Variants in TLK2 observed in about 807,000 individuals in gnomAD.
The protein encoded by TLK2 is serine/threonine-protein kinase tousled-like 2.
Under a neutral mutation model 117.3 loss-of-function variants are expected in TLK2, and 6 were observed. The observed-to-expected ratio is 0.05, with a 90% CI of 0.03 to 0.10. The LOEUF is 0.10. TLK2 is among the 10% of genes least tolerant of loss of function. TLK2 has a pLI of 1.00. For missense variants in TLK2, 299 were observed against 901.2 expected, an observed-to-expected ratio of 0.33 and a Z score of 8.56; for synonymous variants, 257 against 316.7, an observed-to-expected ratio of 0.81 and a Z score of 2.00.
chr17:62,496,311 G>A (rs1056242699), intron 2 of TLK2, among the ~76,000 whole-genome samples: 1 of 151,918 alleles, frequency 6.6e-6, no homozygotes, highest in Non-Finnish European at 1.5e-5. Context: ...ACCGTTTCCT[G>A]TTGATGGACA....
At chr17:62,587,125 T>C (rs564034755) in intron 16 of TLK2, among the ~76,000 whole-genome samples, 2 of 152,270 alleles carry the variant, frequency 1.3e-5, no homozygotes, top group South Asian at 4.1e-4. Flanking sequence ...GGGGGGCTTC[T>C]TTAAAATGAA....
At chr17:62,508,837 G>A (rs1364528835) in intron 2 of TLK2, among the ~76,000 whole-genome samples, 1 of 152,116 alleles carries the variant, frequency 6.6e-6, no homozygotes, top group African/African-American at 2.4e-5. Context: ...GCGTGGTGGT[G>A]TGCGCTTGTA....
intron 2 of TLK2, among the ~76,000 whole-genome samples, chr17:62,520,365 A>C (rs1387404135): frequency 2.0e-5 from 3 of 152,158 alleles, no homozygotes; most frequent in Non-Finnish European, 2.9e-5. Flanking sequence ...CTGAAGTCGC[A>C]TTCTTCCCAG....
intron 14 of TLK2, among the ~76,000 whole-genome samples, chr17:62,578,856 A>G (rs2081007624): frequency 6.6e-6 from 1 of 152,208 alleles, no homozygotes; most frequent in Non-Finnish European, 1.5e-5. Flanking sequence ...TTGTAATTGT[A>G]AATGGTTGAG....
At chr17:62,488,743 C>A (rs2072757832) in intron 2 of TLK2, among the ~76,000 whole-genome samples, 1 of 151,134 alleles carries the variant, frequency 6.6e-6, no homozygotes, top group East Asian at 1.9e-4. Context: ...ACAGAAATTA[C>A]AACAGATATT....
intron 9 of TLK2, among the ~76,000 whole-genome samples, chr17:62,559,781 A>T (rs778824996): frequency 6.6e-6 from 1 of 152,342 alleles, no homozygotes; most frequent in East Asian, 1.9e-4. Context: ...CAGTAGAAAA[A>T]CATGCCCAAA....
In TLK2 at chr17:62,492,428, T is replaced by G. The variant is rs191134855; in HGVS notation, c.81+11222T>G. ...TGTCTGTTTTCTAGTCCTAACTAGA[T>G]GAGGGAGATAGAGATTTGTTATTAA... is the stretch of plus-strand genomic sequence containing the variant. On this transcript the variant is annotated intron_variant, in intron 2 of 21. Coordinates refer to ENST00000346027, the MANE Select transcript of TLK2 (RefSeq NM_006852.6). Among the ~76,000 whole-genome samples, 50 of 152,098 alleles carry G rather than the reference T, an allele frequency of 3.3e-4. 2 individuals are homozygous for G. The East Asian group carries it at 9.1e-3, about 28-fold the overall frequency.
intron 12 of TLK2, 136 bp from the exon 13 acceptor site, chr17:62,576,573 C>G (rs919193348): frequency 3.0e-6 from 2 of 677,622 alleles, no homozygotes; most frequent in Admixed American, 5.6e-5. Context: ...CAGAGGACTA[C>G]AAGATAACCC....
At chr17:62,603,309 C>T (rs2083013389) in intron 19 of TLK2, among the ~76,000 whole-genome samples, 1 of 152,092 alleles carries the variant, frequency 6.6e-6, no homozygotes, top group Non-Finnish European at 1.5e-5. Flanking sequence ...GGAAATGGTA[C>T]CTGTTGTAAA....
rs2083990180 is a variant in TLK2, at chr17:62,614,385, AT to A, written c.*1823del. 1 of 152,214 alleles carries A rather than the reference AT, an allele frequency of 6.6e-6. No individual in the cohort carries two copies. Among genetic ancestry groups the A allele is most frequent in the Admixed American group, 6.5e-5 (1 of 15,284 alleles). The allele number at this position is 152,214 out of a possible 1,614,324, so 9.4% of individuals were successfully genotyped here. ...ATGTGGCGAGGGCTTAGCCAGAAATATTTAAAGATGTAGTATTCCGGCCTGT... is the reference window on the plus strand; with the variant it reads ...ATGTGGCGAGGGCTTAGCCAGAAATATTAAAGATGTAGTATTCCGGCCTGT... On this transcript the variant is annotated 3_prime_UTR_variant, in exon 22 of 22. Coordinates refer to ENST00000346027, the MANE Select transcript of TLK2 (RefSeq NM_006852.6).
At chr17:62,588,670 T>C (rs1285525537) in intron 16 of TLK2, among the ~76,000 whole-genome samples, 1 of 152,122 alleles carries the variant, frequency 6.6e-6, no homozygotes, top group Non-Finnish European at 1.5e-5. Context: ...TGTTTTGTTT[T>C]GTTTTCCAAT....
chr17:62,537,759 T>A (rs1010330111), intron 7 of TLK2, among the ~76,000 whole-genome samples: 2 of 152,216 alleles, frequency 1.3e-5, no homozygotes, highest in Non-Finnish European at 2.9e-5. Context: ...CAGTGTTTAA[T>A]GTTAGAAGTG....
chr17:62,485,900 A>G (rs903001267), intron 2 of TLK2, among the ~76,000 whole-genome samples: 3 of 147,022 alleles, frequency 2.0e-5, no homozygotes, highest in African/African-American at 7.6e-5. Context: ...TACTCACTGC[A>G]AGCTCCGCCT....
At chr17:62,519,138 G>C (rs2145479993) in intron 2 of TLK2, among the ~76,000 whole-genome samples, 1 of 152,290 alleles carries the variant, frequency 6.6e-6, no homozygotes, top group East Asian at 1.9e-4. Context: ...ACCCACCTTG[G>C]CCTCCCAGAG....
At chr17:62,549,291 C>T (rs1355508938) in intron 7 of TLK2, among the ~76,000 whole-genome samples, 11 of 143,258 alleles carry the variant, frequency 7.7e-5, no homozygotes, top group Non-Finnish European at 1.1e-4. Flanking sequence ...CCCAGCTACT[C>T]GGGAGGCTGA....
intron 6 of TLK2, among the ~76,000 whole-genome samples, chr17:62,532,192 G>A (rs527395447): frequency 6.6e-6 from 1 of 152,050 alleles, no homozygotes; most frequent in East Asian, 1.9e-4. Flanking sequence ...TGTTGTTGTT[G>A]TTGTTCGCCC....
intron 11 of TLK2, among the ~76,000 whole-genome samples, chr17:62,566,420 T>G (rs902231867): frequency 1.3e-5 from 2 of 152,242 alleles, no homozygotes; most frequent in Non-Finnish European, 2.9e-5. Context: ...AGTCCTTGTT[T>G]TATGTGTGAA....
chr17:62,505,226 T>C (rs897553026), intron 2 of TLK2, among the ~76,000 whole-genome samples: 16 of 152,088 alleles, frequency 1.1e-4, no homozygotes, highest in African/African-American at 3.6e-4. Flanking sequence ...TATGTCAAAA[T>C]GCCAGTTTTA....
chr17:62,474,439 T>C (rs1371673150), upstream of TLK2, among the ~76,000 whole-genome samples: 1 of 149,978 alleles, frequency 6.7e-6, no homozygotes, highest in African/African-American at 2.5e-5. Context: ...AGAGGGCGTC[T>C]AGCTCTGTTG....
Sources: allele counts gnomAD v4.1 joint callset (sites outside exome capture counted in the v4.1 genomes callset), GRCh38; gene constraint gnomAD v4.1.1; transcripts MANE v1.5; gene names NCBI Gene and HGNC (gene_info 2026-07-23, HGNC 2026-07-21).